The following SPAG1 variants were observed in gnomAD, a reference collection of about 807,000 sequenced individuals.
SPAG1 encodes sperm-associated antigen 1.
A neutral mutation model predicts 100.5 loss-of-function variants in SPAG1; 69 were observed. That is an observed-to-expected ratio of 0.69 (90% confidence interval 0.57 to 0.84). The LOEUF is 0.84. SPAG1 is among the 40% of genes least tolerant of loss of function. The pLI is 0.00. For missense variants in SPAG1, 955 were observed against 1,133.1 expected, an observed-to-expected ratio of 0.84 and a Z score of 2.26; for synonymous variants, 336 against 411.6, an observed-to-expected ratio of 0.82 and a Z score of 2.22.
At chr8:100,176,874 C>CCTCCCT (rs1487892801) in intron 3 of SPAG1, among the ~76,000 whole-genome samples, 1 of 136,816 alleles carries the variant, frequency 7.3e-6, no homozygotes, top group Non-Finnish European at 1.6e-5. Flanking sequence ...TCCCCATACC[C>CCTCCCT]CTCCCTCTCC....
intron 8 of SPAG1, 103 bp from the exon 9 acceptor site, chr8:100,191,287 T>C (rs1044012033): frequency 1.4e-6 from 1 of 710,708 alleles, no homozygotes; most frequent in Admixed American, 2.5e-5. Flanking sequence ...GGTAATTACA[T>C]CCTAAAGTAT....
intron 3 of SPAG1, among the ~76,000 whole-genome samples, chr8:100,174,491 G>A (rs965444058): frequency 2.0e-5 from 3 of 152,126 alleles, no homozygotes; most frequent in Non-Finnish European, 2.9e-5. Context: ...GGTGCACTTG[G>A]TGTAACTTTA....
intron 16 of SPAG1, among the ~76,000 whole-genome samples, chr8:100,238,185 T>C (rs1035172015): frequency 6.6e-6 from 1 of 152,202 alleles, no homozygotes; most frequent in South Asian, 2.1e-4. Flanking sequence ...GTGTCATTTT[T>C]CCCCCGGTAA....
In SPAG1 at chr8:100,183,938, ATTG is replaced by A. The variant is rs771224189; in HGVS notation, c.489-15_489-13del. ...CCTGTATTGTACTTTTTTGGTTTTT[ATTG>A]TTCTTTCATTTAAGATTTGACGTGG... On this transcript the variant is annotated splice_polypyrimidine_tract_variant and intron_variant, in intron 5 of 18. Coordinates refer to ENST00000388798, the MANE Select transcript of SPAG1 (RefSeq NM_003114.5). 7.5e-7 allele frequency: 1 copy of A among 1,333,282 alleles called. No homozygotes were observed. The highest frequency in any genetic ancestry group is 1.0e-6 in the Non-Finnish European group (1 of 963,188). 82.6% of individuals were successfully genotyped at this position (1,333,282 alleles called of 1,614,324 possible).
intron 13 of SPAG1, among the ~76,000 whole-genome samples, chr8:100,221,281 T>A (rs937223951): frequency 3.9e-5 from 6 of 152,198 alleles, no homozygotes; most frequent in African/African-American, 1.4e-4. Context: ...TTCTGTTATA[T>A]GCCCTTGTAA....
At chr8:100,204,781 G>A (rs1290509589) in intron 10 of SPAG1, among the ~76,000 whole-genome samples, 1 of 152,176 alleles carries the variant, frequency 6.6e-6, no homozygotes, top group East Asian at 1.9e-4. Flanking sequence ...TTGAAGAGCC[G>A]TGTAATTGCT....
chr8:100,238,049 T>C (rs1462881894), intron 16 of SPAG1, among the ~76,000 whole-genome samples: 1 of 152,140 alleles, frequency 6.6e-6, no homozygotes, highest in Non-Finnish European at 1.5e-5. Context: ...GAGGGTAAAG[T>C]AATAATTGTA....
chr8:100,184,573 T>C, intron 6 of SPAG1, 55 bp from the exon 7 acceptor site: 1 of 924,314 alleles, frequency 1.1e-6, no homozygotes, highest in South Asian at 1.9e-5. Flanking sequence ...GATTTAAACT[T>C]GAAAAATTCT....
Position 100,200,715 on chromosome 8 carries a change from TC to T in SPAG1, c.1096+6448del, listed in dbSNP as rs1420616828. Reference sequence around the variant, plus strand: ...ATGGCCAGTGATGATGAGCATTTTTTCATATGTCTGTTGGCTGCATAAATGT... The same window carrying T: ...ATGGCCAGTGATGATGAGCATTTTTTATATGTCTGTTGGCTGCATAAATGT... On this transcript the variant is annotated intron_variant, in intron 10 of 18. Coordinates refer to ENST00000388798, the MANE Select transcript of SPAG1 (RefSeq NM_003114.5). Among the ~76,000 whole-genome samples the T allele has an allele frequency of 3.3e-5, 5 of 152,242 alleles. No individual in the cohort carries two copies. In the South Asian group the frequency reaches 1.0e-3, roughly 31 times the overall value.
chr8:100,194,165 G>A lies in SPAG1; in HGVS notation c.993G>A (p.Glu331=). ...RDLKNSEAAS[E]TQTKGKRMVI... ...TGAAAAATTCTGAAGCTGCATCTGAGACTCAAACCAAAGGGAAAAGGATGG... is the reference window on the plus strand; with the variant it reads ...TGAAAAATTCTGAAGCTGCATCTGAAACTCAAACCAAAGGGAAAAGGATGG... The change falls in exon 10 of 19, where the codon GAG becomes GAA. Residue 331 remains glutamate, a synonymous_variant. Coordinates refer to ENST00000388798, the MANE Select transcript of SPAG1 (RefSeq NM_003114.5). 6.2e-7 allele frequency: 1 copy of A among 1,605,762 alleles called. No homozygotes were observed. Among genetic ancestry groups the A allele is most frequent in the Non-Finnish European group, 8.5e-7 (1 of 1,177,576 alleles).
intron 3 of SPAG1, among the ~76,000 whole-genome samples, chr8:100,173,594 T>A (rs1040789215): frequency 2.6e-5 from 4 of 152,174 alleles, no homozygotes; most frequent in African/African-American, 9.7e-5. Flanking sequence ...TCACAGATAA[T>A]AAATCTCTTA....
rs1228658082 is a variant in SPAG1, at chr8:100,239,083, CT to C, written c.2116-156del. ...TGTATCATGGGTTATACTATTTCAG[CT>C]GCATATTCACCCCACAGGCTCACTT... On this transcript the variant is annotated intron_variant, in intron 16 of 18. Transcript: ENST00000388798. This position sits in a 1 kb window ranked among gnomAD's most constrained non-coding sequence, Gnocchi z 5.0. Among the ~76,000 whole-genome samples the C allele has an allele frequency of 6.6e-6, 1 of 152,222 alleles. No homozygotes were observed. The highest frequency in any genetic ancestry group is 6.5e-5 in the Admixed American group (1 of 15,290).
intron 6 of SPAG1, 76 bp from the exon 7 acceptor site, chr8:100,184,552 A>G: frequency 3.0e-6 from 2 of 667,338 alleles, no homozygotes; most frequent in Non-Finnish European, 4.8e-6. Flanking sequence ...CTGTTAAAAT[A>G]AGCATTCTTA....
intron 10 of SPAG1, among the ~76,000 whole-genome samples, chr8:100,212,453 A>G (rs1817755418): frequency 6.6e-6 from 1 of 152,224 alleles, no homozygotes. Flanking sequence ...AACAATTATT[A>G]AAGCTATTAA....
rs560172700 is a variant in SPAG1 at position 100,175,167 on chromosome 8, A to G, written c.301-2649A>G. ...CACTCCTGGCTTAATGGCTTTTTCT[A>G]TAATAATGATGGCATCTTCAATGGT... On this transcript the variant is annotated intron_variant, in intron 3 of 18. Transcript: ENST00000388798. Among the ~76,000 whole-genome samples the G allele has an allele frequency of 7.9e-5, 12 of 151,608 alleles. No homozygotes were observed. In the East Asian group the frequency reaches 9.7e-4, roughly 12 times the overall value.
chr8:100,236,548 C>G (rs1028436440), intron 16 of SPAG1, among the ~76,000 whole-genome samples: 2 of 152,212 alleles, frequency 1.3e-5, no homozygotes, highest in African/African-American at 4.8e-5. Flanking sequence ...GGCACAGGGG[C>G]TCACGGTGGC....
intron 10 of SPAG1, chr8:100,194,656 A>G (rs944872255): frequency 5.3e-6 from 2 of 378,300 alleles, no homozygotes; most frequent in African/African-American, 4.1e-5. Flanking sequence ...CCCCATTTAT[A>G]TGCCAAAAAT....
intron 9 of SPAG1, among the ~76,000 whole-genome samples, chr8:100,192,308 G>A (rs1297469988): frequency 6.6e-6 from 1 of 152,156 alleles, no homozygotes; most frequent in East Asian, 1.9e-4. Context: ...GCAACAGAGT[G>A]AGACTCCATC....
chr8:100,171,554 C>G (rs1815851045), intron 3 of SPAG1, among the ~76,000 whole-genome samples: 1 of 152,204 alleles, frequency 6.6e-6, no homozygotes, highest in Non-Finnish European at 1.5e-5. Flanking sequence ...TTAGAGCTCT[C>G]TTTCTGTACG....
Sources: gnomAD v4.1 joint callset for allele counts (sites outside exome capture counted in the v4.1 genomes callset) on GRCh38, gnomAD v4.1.1 for gene constraint, Gnocchi (gnomAD v3.1) non-coding constraint, MANE v1.5 for transcripts, NCBI Gene and HGNC (gene_info 2026-07-23, HGNC 2026-07-21) for gene names.